Variants in CTNNA2 observed in about 807,000 individuals in gnomAD.
CTNNA2 encodes the protein catenin alpha-2.
In CTNNA2, 42 loss-of-function variants were observed where a neutral mutation model predicts 101.0. The ratio of observed to expected loss-of-function variants is 0.42; its 90% CI spans 0.32 to 0.54. The LOEUF (loss-of-function observed/expected upper bound fraction) is 0.54. CTNNA2 is among the 20% of genes least tolerant of loss of function. The probability of loss-of-function intolerance (pLI) is 0.14; values close to 1 mark genes in which losing one functional copy is unlikely to be tolerated. For synonymous variants in CTNNA2, 450 were observed against 456.4 expected (o/e 0.99, Z 0.18); for missense variants, 871 against 1,223.1 (o/e 0.71, Z 4.29).
chr2:79,377,578 G>C (rs113847551), intron 4 of CTNNA2, among the ~76,000 whole-genome samples: 1 of 152,124 alleles, frequency 6.6e-6, no homozygotes, highest in Non-Finnish European at 1.5e-5. Flanking sequence ...TTGGGAGACA[G>C]TATCTCTCTC....
chr2:79,949,725 C>A (rs1391841466), intron 7 of CTNNA2, among the ~76,000 whole-genome samples: 2 of 152,094 alleles, frequency 1.3e-5, no homozygotes, highest in Non-Finnish European at 2.9e-5. Context: ...CTGTAGGGAC[C>A]CATGATCACA....
chr2:79,324,035 G>T (rs377718178), intron 3 of CTNNA2, among the ~76,000 whole-genome samples: 6 of 152,188 alleles, frequency 3.9e-5, no homozygotes, highest in African/African-American at 1.4e-4. Flanking sequence ...ACAGAAGAGA[G>T]AAAATTTTCT....
chr2:80,588,514 G>T (rs1291217235), intron 14 of CTNNA2, among the ~76,000 whole-genome samples: 3 of 152,156 alleles, frequency 2.0e-5, no homozygotes, highest in Non-Finnish European at 4.4e-5. Flanking sequence ...GGGGTTACAA[G>T]TATATTTTAG....
intron 13 of CTNNA2, among the ~76,000 whole-genome samples, chr2:80,577,760 G>A (rs2149710571): frequency 7.2e-6 from 1 of 139,020 alleles, no homozygotes; most frequent in African/African-American, 2.8e-5. Flanking sequence ...CCATTCCAGT[G>A]GTGTTGAGCT....
At chr2:79,205,908 A>G (rs1674094595) in intron 2 of CTNNA2, among the ~76,000 whole-genome samples, 1 of 152,180 alleles carries the variant, frequency 6.6e-6, no homozygotes, top group South Asian at 2.1e-4. Context: ...ATCTCTCAAT[A>G]TATTTCCTGC....
At chr2:79,564,075 G>C (rs978490549) in intron 1 of CTNNA2, among the ~76,000 whole-genome samples, 2 of 152,070 alleles carry the variant, frequency 1.3e-5, no homozygotes, top group Non-Finnish European at 2.9e-5. Context: ...TGTGCCACAC[G>C]TGGGTTTGCG....
chr2:79,319,265 C>T (rs1327173396), intron 3 of CTNNA2, among the ~76,000 whole-genome samples: 3 of 152,172 alleles, frequency 2.0e-5, no homozygotes, highest in Non-Finnish European at 2.9e-5. Flanking sequence ...TCCAGGTCCT[C>T]AGCACCCTAC....
chr2:80,175,736 C>T (rs1358346557), intron 7 of CTNNA2, among the ~76,000 whole-genome samples: 2 of 152,202 alleles, frequency 1.3e-5, no homozygotes, highest in Non-Finnish European at 2.9e-5. Flanking sequence ...AGCAAGGAAT[C>T]CAGTCTGAGT....
At chr2:79,485,240 T>A in intron 4 of CTNNA2, among the ~76,000 whole-genome samples, 1 of 152,218 alleles carries the variant, frequency 6.6e-6, no homozygotes, top group East Asian at 1.9e-4. Context: ...AATACAATTT[T>A]TCTTTAATTT....
intron 7 of CTNNA2, among the ~76,000 whole-genome samples, chr2:80,099,051 C>T (rs967196741): frequency 7.2e-5 from 11 of 151,826 alleles, no homozygotes; most frequent in African/African-American, 1.7e-4. Flanking sequence ...GAGATGAACC[C>T]GGTACCTCAG....
chr2:80,249,231 G>T (rs184806391), intron 7 of CTNNA2, among the ~76,000 whole-genome samples: 32 of 152,258 alleles, frequency 2.1e-4, no homozygotes, highest in Non-Finnish European at 4.4e-5. Flanking sequence ...TCCTTCCTCT[G>T]ACCATTATGA....
intron 2 of CTNNA2, among the ~76,000 whole-genome samples, chr2:79,702,413 A>G (rs1398876171): frequency 1.3e-5 from 2 of 152,146 alleles, no homozygotes; most frequent in Non-Finnish European, 2.9e-5. Flanking sequence ...AACAGAGACC[A>G]TAGGGTCTAC....
In CTNNA2 at chr2:80,147,721, G is replaced by A. The variant is rs1703438728; in HGVS notation, c.1056+237924G>A. Among the ~76,000 whole-genome samples the A allele has an allele frequency of 2.0e-5, 3 of 152,174 alleles. No homozygotes were observed. The South Asian group carries it at 6.2e-4, about 31-fold the overall frequency. On this transcript the variant is annotated intron_variant, in intron 7 of 18. Coordinates refer to ENST00000402739, the MANE Select transcript of CTNNA2 (RefSeq NM_001282597.3). ...TTTCCTCTCCTGTTTTATCAGCAGT[G>A]TTTTGTGTTAGTCATTTATACCACG... is the stretch of plus-strand genomic sequence containing the variant.
intron 9 of CTNNA2, among the ~76,000 whole-genome samples, chr2:80,452,381 T>C (rs535008649): frequency 4.6e-5 from 7 of 151,688 alleles, no homozygotes; most frequent in Non-Finnish European, 1.0e-4. Context: ...ATGTGATCCC[T>C]GCTTCTGATG....
At chr2:79,407,601 G>T (rs1194681965) in intron 4 of CTNNA2, among the ~76,000 whole-genome samples, 2 of 151,952 alleles carry the variant, frequency 1.3e-5, no homozygotes, top group Non-Finnish European at 2.9e-5. Flanking sequence ...TAGCAATGAA[G>T]AGGAAGAAGG....
chr2:79,469,500 A>T (rs1234263057), intron 4 of CTNNA2, among the ~76,000 whole-genome samples: 1 of 152,196 alleles, frequency 6.6e-6, no homozygotes, highest in Non-Finnish European at 1.5e-5. Context: ...ATCAATAGAA[A>T]AAGAGGGAAT....
chr2:80,390,820 G>A (rs926801542), intron 7 of CTNNA2, among the ~76,000 whole-genome samples: 9 of 151,964 alleles, frequency 5.9e-5, no homozygotes, highest in East Asian at 3.9e-4. Context: ...ATTTATTTGC[G>A]TTAGTTTTGA....
intron 7 of CTNNA2, among the ~76,000 whole-genome samples, chr2:80,004,791 C>A (rs1454057178): frequency 6.6e-6 from 1 of 151,828 alleles, no homozygotes; most frequent in African/African-American, 2.4e-5. Context: ...CAACCTCTGC[C>A]TCCTGGGTTC....
At chr2:79,997,793 G>A (rs1444113020) in intron 7 of CTNNA2, among the ~76,000 whole-genome samples, 3 of 152,196 alleles carry the variant, frequency 2.0e-5, no homozygotes, top group East Asian at 1.9e-4. Context: ...TCTAAACCGC[G>A]TTGCACCTCC....
Sources: allele counts gnomAD v4.1 joint callset (sites outside exome capture counted in the v4.1 genomes callset), GRCh38; gene constraint gnomAD v4.1.1; transcripts MANE v1.5; gene names NCBI Gene and HGNC (gene_info 2026-07-23, HGNC 2026-07-21).